The following PILRA variants were observed in gnomAD, a reference collection of about 807,000 sequenced individuals.
PILRA encodes the protein paired immunoglobulin-like type 2 receptor alpha.
A neutral mutation model predicts 33.1 loss-of-function variants in PILRA; 37 were observed. The observed-to-expected ratio is 1.12, with a 90% confidence interval of 0.86 to 1.47. The LOEUF (loss-of-function observed/expected upper bound fraction) is 1.47. Among genes scored for constraint, PILRA ranks in the 40% most tolerant of loss-of-function variants. PILRA has a pLI of 0.00. For missense variants in PILRA, 312 were observed against 376.2 expected (o/e 0.83, Z 1.41); for synonymous variants, 146 against 149.9 (o/e 0.97, Z 0.19).
chr7:100,385,492 C>G (rs553343271), intron 2 of PILRA, among the ~76,000 whole-genome samples: 38 of 152,296 alleles, frequency 2.5e-4, no homozygotes, highest in African/African-American at 8.7e-4. Flanking sequence ...TGGAAGTGTT[C>G]TCTCACAGAT....
Position 100,399,318 on chromosome 7 carries a change from A to C in PILRA, c.735A>C (p.Pro245=). ...AACCCTTCCAAAACACAGAGGAGCC[A>C]TATGAGAATATCAGGAATGAAGGTG... ...AREPFQNTEE[P]YENIRNEGQN... is the part of the protein sequence containing the mutation. The change falls in exon 5 of 7, where the codon CCA becomes CCC. Residue 245 remains proline, a synonymous_variant. Coordinates refer to ENST00000198536, the MANE Select transcript of PILRA (RefSeq NM_013439.3). The C allele has an allele frequency of 6.2e-7, 1 of 1,612,778 alleles. No individual in the cohort carries two copies. The highest frequency in any genetic ancestry group is 8.5e-7 in the Non-Finnish European group (1 of 1,178,874).
intron 2 of PILRA, chr7:100,376,482 GTTTTTTTTTT>G (rs386410819): frequency 1.7e-5 from 2 of 118,074 alleles, no homozygotes; most frequent in Admixed American, 9.0e-5. Flanking sequence ...AGAAAAAAGT[GTTTTTTTTTT>G]TTTTTTTTGA....
At chr7:100,393,431 G>C (rs1791430311) in intron 3 of PILRA, among the ~76,000 whole-genome samples, 1 of 152,126 alleles carries the variant, frequency 6.6e-6, no homozygotes, top group Non-Finnish European at 1.5e-5. Context: ...ATGGGAAGTG[G>C]AGTTTGAGGA....
In PILRA at chr7:100,397,905, C is replaced by T. The variant is rs758855631; in HGVS notation, c.700C>T (p.Pro234Ser). ...TCAGCAGCGGACTAAAGCCACAACCCCAGCCAGGTGAGTGCTGGGCCTCCC... is the reference window on the plus strand; with the variant it reads ...TCAGCAGCGGACTAAAGCCACAACCTCAGCCAGGTGAGTGCTGGGCCTCCC... ...KGQQRTKATT[P>S]AREPFQNTEE... Residue 234 changes from proline (P) to serine (S), a missense_variant, in exon 4 of 7, where the codon CCA (proline) becomes TCA (serine). Transcript: ENST00000198536. 10 of 1,614,018 alleles carry T rather than the reference C, an allele frequency of 6.2e-6. No individual in the cohort carries two copies. The Admixed American group carries it at 1.7e-4, about 27-fold the overall frequency.
intron 2 of PILRA, 98 bp downstream of exon 2, chr7:100,374,531 T>G: frequency 7.0e-7 from 1 of 1,431,440 alleles, no homozygotes; most frequent in South Asian, 1.2e-5. Flanking sequence ...CCACTTCTTC[T>G]GACGACCCCT....
upstream of PILRA, among the ~76,000 whole-genome samples, chr7:100,371,952 T>G (rs1202755515): frequency 6.6e-6 from 1 of 152,222 alleles, no homozygotes; most frequent in Non-Finnish European, 1.5e-5. Context: ...GGGCAGCATG[T>G]GCCCTCCAGA....
In PILRA at chr7:100,374,018, C is replaced by A. The variant is rs200560959; in HGVS notation, c.65-26C>A. ...TCTTGAGGTGGTTTCAAGGTCTCTC[C>A]CCTACTCACTCCCTCCCTCCTCTAG... On this transcript the variant is annotated intron_variant, in intron 1 of 6. Transcript: ENST00000198536. The A allele has an allele frequency of 1.9e-6, 3 of 1,608,862 alleles. No homozygotes were observed. In the East Asian group the frequency reaches 6.7e-5, roughly 36 times the overall value.
At chr7:100,372,841 G>A (rs1399970269), upstream of PILRA, among the ~76,000 whole-genome samples, 2 of 151,800 alleles carry the variant, frequency 1.3e-5, no homozygotes, top group Non-Finnish European at 2.9e-5. Context: ...CTGGGGCAGG[G>A]CTTCTCAGAG....
At chr7:100,378,223 A>G (rs1329695183) in intron 2 of PILRA, among the ~76,000 whole-genome samples, 1 of 151,760 alleles carries the variant, frequency 6.6e-6, no homozygotes, top group Non-Finnish European at 1.5e-5. Flanking sequence ...GTGGTAGTGC[A>G]CACCTATGGT....
In PILRA at chr7:100,386,411, C is replaced by T. The variant is rs575809715; in HGVS notation, c.455-3477C>T. Among the ~76,000 whole-genome samples the T allele has an allele frequency of 9.9e-5, 15 of 152,028 alleles. No individual in the cohort carries two copies. In the East Asian group the frequency reaches 1.2e-3, roughly 12 times the overall value. ...CCCAACTATTTGGGAGGCTGAGACA[C>T]GAGAATCCCTTGAAGCAGGGAGTTG... On this transcript the variant is annotated intron_variant, in intron 2 of 6. Transcript: ENST00000198536.
At chr7:100,387,089 A>T (rs913543392) in intron 2 of PILRA, among the ~76,000 whole-genome samples, 2 of 152,240 alleles carry the variant, frequency 1.3e-5, no homozygotes, top group Non-Finnish European at 2.9e-5. Context: ...CATTTACGCC[A>T]GAGGCTGCAA....
At chr7:100,374,701 T>G in intron 2 of PILRA, 7 of 520,592 alleles carry the variant, frequency 1.3e-5, no homozygotes, top group East Asian at 1.1e-4. Flanking sequence ...CAGCAGCTGC[T>G]GGACCCTCTA....
chr7:100,383,243 G>A (rs1400452399), intron 2 of PILRA, among the ~76,000 whole-genome samples: 3 of 152,154 alleles, frequency 2.0e-5, no homozygotes, highest in Admixed American at 6.5e-5. Context: ...CAAGAGACGG[G>A]AGCCCAGAGA....
chr7:100,382,795 C>T (rs961642764), intron 2 of PILRA, among the ~76,000 whole-genome samples: 2 of 152,180 alleles, frequency 1.3e-5, no homozygotes, highest in African/African-American at 4.8e-5. Context: ...GTAACACTCA[C>T]CGTGAAGGTT....
Position 100,373,583 on chromosome 7 carries a change from G to A in PILRA, c.-74G>A, listed in dbSNP as rs1466252436. 2.1e-5 allele frequency: 33 copies of A among 1,554,828 alleles called. No homozygotes were observed. Among genetic ancestry groups the A allele is most frequent in the South Asian group, 3.3e-5 (3 of 89,880 alleles). On this transcript the variant is annotated 5_prime_UTR_variant, in exon 1 of 7. Coordinates refer to ENST00000198536, the MANE Select transcript of PILRA (RefSeq NM_013439.3). ...TCCTCACTCACCTCAACCCCCAGGC[G>A]GCCCCTCCACAGGGCCCCTCTCCTG...
intron 3 of PILRA, among the ~76,000 whole-genome samples, chr7:100,392,562 A>G (rs142891777): frequency 1.8e-3 from 271 of 152,368 alleles, no homozygotes; most frequent in Middle Eastern, 3.4e-3. Context: ...AACAGTGGGC[A>G]TTAAACCAGG....
At chr7:100,381,153 C>T (rs1222095288) in intron 2 of PILRA, among the ~76,000 whole-genome samples, 1 of 151,974 alleles carries the variant, frequency 6.6e-6, no homozygotes, top group African/African-American at 2.4e-5. Context: ...GTAGTCCCAG[C>T]TACTCGGGAG....
At chr7:100,382,007 A>ACCCCCCC (rs1563117657) in intron 2 of PILRA, among the ~76,000 whole-genome samples, 1 of 101,282 alleles carries the variant, frequency 9.9e-6, no homozygotes, top group Admixed American at 9.4e-5. Context: ...CCCCACCCCC[A>ACCCCCCC]CCCCCACCCC....
At chr7:100,374,540 C>A in intron 2 of PILRA, 107 bp downstream of exon 2, 1 of 1,350,066 alleles carries the variant, frequency 7.4e-7, no homozygotes, top group Non-Finnish European at 1.0e-6. Flanking sequence ...CTGACGACCC[C>A]TAAGTTCTCT....
Sources: gnomAD v4.1 joint callset for allele counts (sites outside exome capture counted in the v4.1 genomes callset) on GRCh38, gnomAD v4.1.1 for gene constraint, MANE v1.5 for transcripts, NCBI Gene and HGNC (gene_info 2026-07-23, HGNC 2026-07-21) for gene names.